WWOX: variants seen among roughly 807,000 people sequenced by gnomAD.
The protein encoded by WWOX is WW domain-containing oxidoreductase.
In WWOX, 69 loss-of-function variants were observed where a neutral mutation model predicts 46.2. That is an observed-to-expected ratio of 1.49 (90% CI 1.23 to 1.82). WWOX has a LOEUF of 1.82. Among genes scored for constraint, WWOX ranks in the 40% most tolerant of loss-of-function variants. WWOX has a pLI of 0.00. For synonymous variants in WWOX, 359 were observed against 202.6 expected (o/e 1.77, Z -6.56); for missense variants, 919 against 542.6 (o/e 1.69, Z -6.89).
chr16:78,738,399 G>C (rs2049138243), intron 8 of WWOX, among the ~76,000 whole-genome samples: 1 of 152,162 alleles, frequency 6.6e-6, no homozygotes, highest in Admixed American at 6.5e-5. Flanking sequence ...TTCTCCCTGT[G>C]TATGATGCTG....
intron 8 of WWOX, among the ~76,000 whole-genome samples, chr16:78,946,504 A>G (rs7499860): frequency 0.14 from 21,461 of 151,996 alleles, 1,582 homozygotes; most frequent in African/African-American, 0.16. Flanking sequence ...TTCTGTTTCA[A>G]AGAAATAGTC....
intron 8 of WWOX, among the ~76,000 whole-genome samples, chr16:79,030,691 C>T (rs750148732): frequency 4.6e-5 from 7 of 152,154 alleles, no homozygotes; most frequent in East Asian, 1.9e-4. Context: ...TTGGGCTCAC[C>T]GCTGCTTGTA....
intron 8 of WWOX, among the ~76,000 whole-genome samples, chr16:78,454,275 A>G (rs901866337): frequency 1.2e-4 from 19 of 152,188 alleles, no homozygotes; most frequent in African/African-American, 4.6e-4. Context: ...ATGTTGCTCT[A>G]AAACAGCATC....
At chr16:78,302,927 A>C (rs1382184241) in intron 5 of WWOX, among the ~76,000 whole-genome samples, 1 of 152,108 alleles carries the variant, frequency 6.6e-6, no homozygotes, top group Non-Finnish European at 1.5e-5. Flanking sequence ...TACTTTATCA[A>C]CTGTAATGGT....
chr16:78,861,195 C>G (rs561211389), intron 8 of WWOX, among the ~76,000 whole-genome samples: 2 of 151,778 alleles, frequency 1.3e-5, no homozygotes, highest in Non-Finnish European at 2.9e-5. Context: ...TCCTTTTTTC[C>G]TTCTCTGTTG....
chr16:78,689,193 C>G (rs1597448069), intron 8 of WWOX, among the ~76,000 whole-genome samples: 1 of 152,294 alleles, frequency 6.6e-6, no homozygotes, highest in Admixed American at 6.5e-5. Context: ...AATGATTCAG[C>G]CCAAAATGGC....
chr16:78,839,874 C>A (rs1331723849), intron 8 of WWOX, among the ~76,000 whole-genome samples: 2 of 152,172 alleles, frequency 1.3e-5, no homozygotes, highest in Admixed American at 6.5e-5. Context: ...GACCTCCCAA[C>A]CCCAGGAACT....
intron 8 of WWOX, among the ~76,000 whole-genome samples, chr16:79,166,436 C>T (rs1030293551): frequency 1.3e-5 from 2 of 152,138 alleles, no homozygotes; most frequent in Non-Finnish European, 2.9e-5. Context: ...TAAATCCTCC[C>T]TCCTTTGTCA....
At chr16:78,829,423 C>T (rs952089928) in intron 8 of WWOX, among the ~76,000 whole-genome samples, 1 of 152,186 alleles carries the variant, frequency 6.6e-6, no homozygotes, top group Non-Finnish European at 1.5e-5. Flanking sequence ...CAGGGCAGGG[C>T]AATCAGTTTT....
intron 8 of WWOX, among the ~76,000 whole-genome samples, chr16:78,980,562 A>G (rs2046660768): frequency 6.6e-6 from 1 of 152,144 alleles, no homozygotes; most frequent in Non-Finnish European, 1.5e-5. Context: ...GTCTTTTACG[A>G]AGCGTTTTCT....
intron 8 of WWOX, chr16:78,496,009 T>C (rs1298656692): frequency 6.6e-6 from 1 of 152,204 alleles, no homozygotes; most frequent in African/African-American, 2.4e-5. Flanking sequence ...TGAAAGGGTG[T>C]CTTTTGCTGA....
At chr16:78,922,424 G>A (rs2045400003) in intron 8 of WWOX, among the ~76,000 whole-genome samples, 1 of 150,634 alleles carries the variant, frequency 6.6e-6, no homozygotes, top group Non-Finnish European at 1.5e-5. Flanking sequence ...TGTCGCTCAG[G>A]CTGGAGTGCA....
chr16:78,437,152 C>G (rs751063833), intron 8 of WWOX, among the ~76,000 whole-genome samples: 1 of 152,318 alleles, frequency 6.6e-6, no homozygotes, highest in East Asian at 1.9e-4. Flanking sequence ...CGCTCGGAAG[C>G]CCTGCCTTCA....
chr16:79,134,425 G>C (rs1469767859), intron 8 of WWOX, among the ~76,000 whole-genome samples: 1 of 152,098 alleles, frequency 6.6e-6, no homozygotes, highest in Admixed American at 6.5e-5. Flanking sequence ...GGGGCTGGAG[G>C]GACTGAAGTT....
intron 5 of WWOX, among the ~76,000 whole-genome samples, chr16:78,215,421 C>T (rs375667856): frequency 3.9e-5 from 6 of 152,266 alleles, no homozygotes; most frequent in Admixed American, 1.3e-4. Flanking sequence ...CGTGAGTTCT[C>T]GTGAGATCTG....
chr16:78,320,362 C>G (rs1043462400), intron 5 of WWOX, among the ~76,000 whole-genome samples: 14 of 152,148 alleles, frequency 9.2e-5, no homozygotes, highest in Non-Finnish European at 1.5e-4. Flanking sequence ...GATTCTGTAT[C>G]TGGGGGTAGT....
At chr16:78,962,941 G>C (rs1156594530) in intron 8 of WWOX, among the ~76,000 whole-genome samples, 1 of 152,072 alleles carries the variant, frequency 6.6e-6, no homozygotes, top group Non-Finnish European at 1.5e-5. Context: ...TAGGTTGTGG[G>C]ATTTGCCCAC....
chr16:78,595,053 G>C (rs559660014), intron 8 of WWOX, among the ~76,000 whole-genome samples: 2 of 152,176 alleles, frequency 1.3e-5, no homozygotes, highest in Admixed American at 1.3e-4. Flanking sequence ...TTGTCAAGAG[G>C]CTTGGGGACC....
intron 5 of WWOX, among the ~76,000 whole-genome samples, chr16:78,200,158 C>G (rs558110830): frequency 6.6e-5 from 10 of 152,158 alleles, no homozygotes; most frequent in African/African-American, 1.9e-4. Flanking sequence ...AGCTGTAAAA[C>G]TGGAAGGAGC....
Sources: gnomAD v4.1 joint callset for allele counts (sites outside exome capture counted in the v4.1 genomes callset) on GRCh38, gnomAD v4.1.1 for gene constraint, MANE v1.5 for transcripts, NCBI Gene and HGNC (gene_info 2026-07-23, HGNC 2026-07-21) for gene names.